Variants in SLC4A4 observed in about 807,000 individuals in gnomAD.
SLC4A4 encodes solute carrier family 4 member 4.
Under a neutral mutation model 111.5 loss-of-function variants are expected in SLC4A4, and 27 were observed. The ratio of observed to expected loss-of-function variants is 0.24; its 90% CI spans 0.18 to 0.33. The LOEUF is 0.33. Ranked by LOEUF, SLC4A4 falls within the 10% of genes least tolerant of loss-of-function variation. The pLI, the probability that SLC4A4 is intolerant of heterozygous loss-of-function variation, is 1.00. For missense variants in SLC4A4, 909 were observed against 1,315.5 expected (o/e 0.69, Z 4.78); for synonymous variants, 443 against 463.4 (o/e 0.96, Z 0.57).
intron 3 of SLC4A4, among the ~76,000 whole-genome samples, chr4:71,267,151 A>G (rs974507566): frequency 3.9e-5 from 6 of 152,164 alleles, no homozygotes; most frequent in Non-Finnish European, 7.4e-5. Flanking sequence ...GGGAGCTTGT[A>G]GTCAGTTTGG....
intron 15 of SLC4A4, 27 bp downstream of exon 15, chr4:71,487,045 C>T (rs1329942008): frequency 2.3e-6 from 3 of 1,307,276 alleles, no homozygotes; most frequent in Non-Finnish European, 3.3e-6. Context: ...TTTAAATTAC[C>T]TTCATACTGA....
chr4:71,365,858 A>G (rs1476063498), intron 6 of SLC4A4, among the ~76,000 whole-genome samples: 1 of 152,214 alleles, frequency 6.6e-6, no homozygotes, highest in Non-Finnish European at 1.5e-5. Context: ...AGAAATATAA[A>G]TAACTTGTCT....
At chr4:71,533,594 G>GTT (rs150994245) in intron 17 of SLC4A4, among the ~76,000 whole-genome samples, 18 of 150,820 alleles carry the variant, frequency 1.2e-4, no homozygotes, top group Admixed American at 5.3e-4. Context: ...GTTTTTTCCA[G>GTT]TTTTTTTTTG....
intron 6 of SLC4A4, among the ~76,000 whole-genome samples, chr4:71,376,836 C>G (rs1732450995): frequency 6.6e-6 from 1 of 151,626 alleles, no homozygotes; most frequent in Non-Finnish European, 1.5e-5. Flanking sequence ...GGGGTTTTGC[C>G]ATGTTGCCGA....
chr4:71,270,470 G>A (rs1722629610), intron 3 of SLC4A4, among the ~76,000 whole-genome samples: 1 of 152,102 alleles, frequency 6.6e-6, no homozygotes, highest in South Asian at 2.1e-4. Flanking sequence ...CTTCTCTATG[G>A]CAAGTGGCTG....
chr4:71,138,907 G>C (rs1743918851), intron 2 of SLC4A4, among the ~76,000 whole-genome samples: 1 of 151,924 alleles, frequency 6.6e-6, no homozygotes, highest in Non-Finnish European at 1.5e-5. Context: ...GTGGTGGTGG[G>C]CGCCTGCAGT....
chr4:71,272,659 G>A (rs911915735), intron 3 of SLC4A4, among the ~76,000 whole-genome samples: 4 of 152,106 alleles, frequency 2.6e-5, no homozygotes, highest in African/African-American at 7.2e-5. Flanking sequence ...GGTCAGCCTC[G>A]GCATGTGGTC....
intron 2 of SLC4A4, among the ~76,000 whole-genome samples, chr4:71,142,866 C>T (rs1352914896): frequency 1.3e-5 from 2 of 151,190 alleles, no homozygotes; most frequent in African/African-American, 4.9e-5. Context: ...CGCAAACTGG[C>T]CCCAAAAATT....
chr4:71,328,163 T>G (rs1402059150), intron 3 of SLC4A4, among the ~76,000 whole-genome samples: 3 of 152,124 alleles, frequency 2.0e-5, no homozygotes, highest in African/African-American at 7.2e-5. Flanking sequence ...ATCTCATTCT[T>G]TTTTCATGGC....
chr4:71,068,645 T>G (rs1480275711), intron 1 of SLC4A4, among the ~76,000 whole-genome samples: 1 of 151,808 alleles, frequency 6.6e-6, no homozygotes, highest in African/African-American at 2.4e-5. Context: ...ACCTGCAACC[T>G]CCGCCTCTCA....
At chr4:71,485,766 T>C (rs750543644) in intron 14 of SLC4A4, among the ~76,000 whole-genome samples, 2 of 151,534 alleles carry the variant, frequency 1.3e-5, no homozygotes, top group African/African-American at 4.8e-5. Context: ...TTCCCCAATT[T>C]ATCTGCTCTC....
chr4:71,302,848 G>T (rs1334684956), intron 3 of SLC4A4, among the ~76,000 whole-genome samples: 1 of 152,140 alleles, frequency 6.6e-6, no homozygotes, highest in Non-Finnish European at 1.5e-5. Context: ...AGGGTATTTT[G>T]GGGATGGAAA....
At chr4:71,101,772 C>T (rs1578480323) in intron 2 of SLC4A4, among the ~76,000 whole-genome samples, 1 of 152,134 alleles carries the variant, frequency 6.6e-6, no homozygotes. Context: ...CCCATCTGTA[C>T]ATCACCATCA....
rs544971948 is a variant in SLC4A4 at position 71,357,202 on chromosome 4, A to G, written c.730+15A>G. The G allele has an allele frequency of 5.6e-6, 9 of 1,612,824 alleles. No individual in the cohort carries two copies. Among genetic ancestry groups the G allele is most frequent in the Non-Finnish European group, 7.6e-6 (9 of 1,179,002 alleles). Reference sequence around the variant, plus strand: ...CCCTGATAATGGTAATGCAGAGGCCAGCTGGCTGCTGCTTTCTCTTACTTA... The same window carrying G: ...CCCTGATAATGGTAATGCAGAGGCCGGCTGGCTGCTGCTTTCTCTTACTTA... On this transcript the variant is annotated intron_variant, in intron 6 of 25. Coordinates refer to ENST00000264485, the MANE Select transcript of SLC4A4 (RefSeq NM_001098484.3).
chr4:71,552,256 AT>A (rs1736057477), intron 20 of SLC4A4, among the ~76,000 whole-genome samples: 1 of 151,936 alleles, frequency 6.6e-6, no homozygotes, highest in African/African-American at 2.4e-5. Flanking sequence ...TCAATGTTAC[AT>A]AAGTAGTAGG....
At chr4:71,270,704 T>C (rs774162806) in intron 3 of SLC4A4, among the ~76,000 whole-genome samples, 1 of 152,224 alleles carries the variant, frequency 6.6e-6, no homozygotes, top group East Asian at 1.9e-4. Context: ...GTACCAGTTA[T>C]GTGATGTATC....
chr4:71,358,161 A>G (rs891955222), intron 6 of SLC4A4, among the ~76,000 whole-genome samples: 1 of 152,124 alleles, frequency 6.6e-6, no homozygotes, highest in African/African-American at 2.4e-5. Flanking sequence ...AAAAAATTAC[A>G]GAAAATTACC....
At chr4:71,124,524 C>T (rs994777462) in intron 2 of SLC4A4, among the ~76,000 whole-genome samples, 1 of 152,124 alleles carries the variant, frequency 6.6e-6, no homozygotes, top group Non-Finnish European at 1.5e-5. Flanking sequence ...GTACATTCGT[C>T]TTTATCAGGT....
At chr4:71,168,510 T>C (rs1744845375) in intron 2 of SLC4A4, among the ~76,000 whole-genome samples, 1 of 152,144 alleles carries the variant, frequency 6.6e-6, no homozygotes, top group African/African-American at 2.4e-5. Flanking sequence ...TAAATTATTT[T>C]TGACTATAGT....
Sources: gnomAD v4.1 joint callset for allele counts (sites outside exome capture counted in the v4.1 genomes callset) on GRCh38, gnomAD v4.1.1 for gene constraint, MANE v1.5 for transcripts, NCBI Gene and HGNC (gene_info 2026-07-23, HGNC 2026-07-21) for gene names.